The following NYAP2 variants were observed in gnomAD, a reference collection of about 807,000 sequenced individuals.
The protein encoded by NYAP2 is neuronal tyrosine-phosphorylated phosphoinositide-3-kinase adapter 2.
In NYAP2, 23 loss-of-function variants were observed where a neutral mutation model predicts 50.4. The observed-to-expected ratio is 0.46, with a 90% CI of 0.33 to 0.65. The LOEUF (loss-of-function observed/expected upper bound fraction) is 0.65. Ranked by LOEUF, NYAP2 falls within the 30% of genes least tolerant of loss-of-function variation. The pLI is 0.02. For synonymous variants in NYAP2, 394 were observed against 365.2 expected (o/e 1.08, Z -0.90); for missense variants, 885 against 861.0 (o/e 1.03, Z -0.35).
At chr2:225,654,701 C>T (rs538015845), downstream of NYAP2, among the ~76,000 whole-genome samples, 5 of 152,106 alleles carry the variant, frequency 3.3e-5, no homozygotes, top group South Asian at 1.0e-3. Context: ...TAAAATAAAA[C>T]AAAAAATAAA....
At chr2:225,536,531 TTTTC>T (rs1270988003) in intron 4 of NYAP2, among the ~76,000 whole-genome samples, 1 of 152,106 alleles carries the variant, frequency 6.6e-6, no homozygotes, top group African/African-American at 2.4e-5. Flanking sequence ...TGCCTTGTTT[TTTTC>T]TTTTTTCATT....
At chr2:225,612,561 T>C (rs1264037237) in intron 5 of NYAP2, among the ~76,000 whole-genome samples, 1 of 152,112 alleles carries the variant, frequency 6.6e-6, no homozygotes, top group Non-Finnish European at 1.5e-5. Context: ...CAGACATTTC[T>C]TTCTTGCAGT....
At chr2:225,496,557 G>A (rs1690509410) in intron 3 of NYAP2, among the ~76,000 whole-genome samples, 1 of 152,090 alleles carries the variant, frequency 6.6e-6, no homozygotes, top group Non-Finnish European at 1.5e-5. Context: ...CCACAAATGA[G>A]TTATAAATGG....
At chr2:225,599,909 A>G (rs1692666591) in intron 5 of NYAP2, among the ~76,000 whole-genome samples, 2 of 152,208 alleles carry the variant, frequency 1.3e-5, no homozygotes, top group Admixed American at 6.6e-5. Context: ...TTTTAAGTGT[A>G]GAGTTCAGTG....
the NYAP2 span, among the ~76,000 whole-genome samples, chr2:225,689,561 T>C: frequency 1.1e-4 from 16 of 152,254 alleles, no homozygotes; most frequent in Non-Finnish European, 1.9e-4. Flanking sequence ...CAAGACATGG[T>C]TCACATTTTT....
At chr2:225,445,545 G>C (rs1689539056) in intron 3 of NYAP2, among the ~76,000 whole-genome samples, 1 of 151,920 alleles carries the variant, frequency 6.6e-6, no homozygotes, top group Non-Finnish European at 1.5e-5. Flanking sequence ...TTTTATACTA[G>C]ATATACTGAA....
chr2:225,461,772 C>T (rs1689837736), intron 3 of NYAP2, among the ~76,000 whole-genome samples: 1 of 152,200 alleles, frequency 6.6e-6, no homozygotes, highest in Admixed American at 6.5e-5. Flanking sequence ...GTCTGTTAAA[C>T]AGATCTGTTA....
chr2:225,682,599 G>C, the NYAP2 span, among the ~76,000 whole-genome samples: 2 of 152,092 alleles, frequency 1.3e-5, no homozygotes, highest in Admixed American at 1.3e-4. Context: ...TTGTCATTAC[G>C]GTTTTTATGA....
intron 4 of NYAP2, among the ~76,000 whole-genome samples, chr2:225,560,949 G>A (rs1200172531): frequency 2.1e-5 from 1 of 47,154 alleles, no homozygotes; most frequent in Non-Finnish European, 5.6e-5. Flanking sequence ...TTTTTTTTTT[G>A]GTGGCTTCTC....
chr2:225,450,337 A>G (rs985483496), intron 3 of NYAP2, among the ~76,000 whole-genome samples: 9 of 152,320 alleles, frequency 5.9e-5, no homozygotes, highest in East Asian at 1.9e-4. Flanking sequence ...AGAGAAGCAC[A>G]AGAGATGTGT....
rs115131710 is a variant in NYAP2, at chr2:225,505,907, G to A, written c.222-7464G>A. On this transcript the variant is annotated intron_variant, in intron 3 of 6. Coordinates refer to ENST00000636099, the Ensembl canonical transcript of NYAP2. ...ATGGGAAGAAGGATGAAGCAGGTCCGGACTTCTGGCCAGTGCAGCTTCGTG... is the reference window on the plus strand; with the variant it reads ...ATGGGAAGAAGGATGAAGCAGGTCCAGACTTCTGGCCAGTGCAGCTTCGTG... 7.5e-3 allele frequency among the ~76,000 whole-genome samples: 1,143 copies of A among 152,180 alleles called. 6 individuals carry two copies. Among genetic ancestry groups the A allele is most frequent in the African/African-American group, 0.026 (1,060 of 41,506 alleles).
intron 3 of NYAP2, among the ~76,000 whole-genome samples, chr2:225,438,240 T>C (rs563166959): frequency 2.0e-5 from 3 of 152,362 alleles, no homozygotes; most frequent in Non-Finnish European, 2.9e-5. Flanking sequence ...TTTATGAGTA[T>C]AGATGAGTTT....
At chr2:225,645,899 GATC>G (rs1693628800) in intron 6 of NYAP2, among the ~76,000 whole-genome samples, 1 of 151,712 alleles carries the variant, frequency 6.6e-6, no homozygotes, top group African/African-American at 2.4e-5. Flanking sequence ...TAGATGCACA[GATC>G]CTAAAGGATC....
chr2:225,557,719 C>T (rs751269928), intron 4 of NYAP2, among the ~76,000 whole-genome samples: 1 of 152,100 alleles, frequency 6.6e-6, no homozygotes, highest in Non-Finnish European at 1.5e-5. Flanking sequence ...ATCTGTTAAG[C>T]TTCTCCCTTT....
intron 6 of NYAP2, among the ~76,000 whole-genome samples, chr2:225,650,970 TG>T (rs1425009843): frequency 1.3e-5 from 2 of 152,152 alleles, no homozygotes; most frequent in Non-Finnish European, 2.9e-5. Context: ...CAAGATGAGT[TG>T]AAGAAATGTT....
upstream of NYAP2, among the ~76,000 whole-genome samples, chr2:225,399,122 T>C (rs1051153085): frequency 6.6e-6 from 1 of 151,996 alleles, no homozygotes; most frequent in African/African-American, 2.4e-5. Context: ...TTACAGTGAG[T>C]TACTGAAAAA....
intron 3 of NYAP2, 40 bp from the exon 4 acceptor site, chr2:225,513,331 C>G (rs1350721864): frequency 1.9e-6 from 3 of 1,595,556 alleles, no homozygotes; most frequent in Non-Finnish European, 2.6e-6. Context: ...TATCCTGGCT[C>G]CTTTTGTCTT....
intron 3 of NYAP2, among the ~76,000 whole-genome samples, chr2:225,480,810 T>C (rs569604781): frequency 2.0e-5 from 3 of 152,138 alleles, no homozygotes; most frequent in Non-Finnish European, 2.9e-5. Flanking sequence ...CTTATATAAA[T>C]GGTTTTTACA....
At chr2:225,591,813 G>A (rs913570893) in intron 5 of NYAP2, among the ~76,000 whole-genome samples, 1 of 152,116 alleles carries the variant, frequency 6.6e-6, no homozygotes, top group Admixed American at 6.5e-5. Flanking sequence ...GGCTCATGAC[G>A]TTATTCTCAG....
Sources: allele counts gnomAD v4.1 joint callset (sites outside exome capture counted in the v4.1 genomes callset), GRCh38; gene constraint gnomAD v4.1.1; transcripts MANE v1.5; gene names NCBI Gene and HGNC (gene_info 2026-07-23, HGNC 2026-07-21).